Variants in FSTL5 observed in about 807,000 individuals in gnomAD.
The protein encoded by FSTL5 is follistatin like 5, also known as follistatin-related protein 5.
FSTL5 carries 62 observed loss-of-function variants against 89.1 expected under a neutral mutation model. The ratio of observed to expected loss-of-function variants is 0.70; its 90% CI spans 0.57 to 0.86. FSTL5 has a LOEUF of 0.86. Ranked by LOEUF, FSTL5 falls within the 40% of genes least tolerant of loss-of-function variation. The pLI is 0.00. For synonymous variants in FSTL5, 383 were observed against 346.2 expected, an observed-to-expected ratio of 1.11 and a Z score of -1.18; for missense variants, 1,057 against 1,001.6, an observed-to-expected ratio of 1.06 and a Z score of -0.75.
intron 15 of FSTL5, among the ~76,000 whole-genome samples, chr4:161,401,533 T>C (rs1251186475): frequency 6.6e-6 from 1 of 152,256 alleles, no homozygotes; most frequent in East Asian, 1.9e-4. Flanking sequence ...TTATTATTGA[T>C]TTATTTATTT....
At chr4:162,096,739 A>G (rs1730767715) in intron 2 of FSTL5, among the ~76,000 whole-genome samples, 1 of 151,950 alleles carries the variant, frequency 6.6e-6, no homozygotes, top group Admixed American at 6.6e-5. Context: ...GAACAAGTTT[A>G]CTATATGTTA....
rs965817561 is a variant in FSTL5 at position 161,751,397 on chromosome 4, G to A, written c.727+8014C>T. On this transcript the variant is annotated intron_variant, in intron 6 of 15. Transcript: ENST00000306100. Reference sequence around the variant, plus strand: ...TGGAAAATCCTTTCCCTAAGAACCCGTATAGCAACAGCAACACAGACTAGA... The same window carrying A: ...TGGAAAATCCTTTCCCTAAGAACCCATATAGCAACAGCAACACAGACTAGA... 3.3e-5 allele frequency among the ~76,000 whole-genome samples: 5 copies of A among 152,224 alleles called. No homozygotes were observed. The South Asian group carries it at 6.2e-4, about 19-fold the overall frequency.
intron 4 of FSTL5, among the ~76,000 whole-genome samples, chr4:161,861,623 G>C (rs1731919199): frequency 6.6e-6 from 1 of 152,098 alleles, no homozygotes; most frequent in South Asian, 2.1e-4. Flanking sequence ...GAAAAATCCA[G>C]GTAGCATTAT....
intron 8 of FSTL5, among the ~76,000 whole-genome samples, chr4:161,565,402 T>C (rs953434128): frequency 1.9e-4 from 29 of 152,020 alleles, no homozygotes; most frequent in African/African-American, 7.0e-4. Context: ...TATATTGAAA[T>C]AAATACATAT....
At chr4:161,927,721 TGAA>T (rs1734165716) in intron 3 of FSTL5, among the ~76,000 whole-genome samples, 1 of 151,776 alleles carries the variant, frequency 6.6e-6, no homozygotes, top group African/African-American at 2.4e-5. Flanking sequence ...ATTATTTTCA[TGAA>T]GAAGAATTAG....
intron 3 of FSTL5, among the ~76,000 whole-genome samples, chr4:161,982,694 A>C (rs1284331137): frequency 6.6e-6 from 1 of 152,206 alleles, no homozygotes; most frequent in Non-Finnish European, 1.5e-5. Flanking sequence ...TATGGTGTTC[A>C]TGTATATGCA....
At chr4:161,478,598 C>T (rs56246813) in intron 13 of FSTL5, among the ~76,000 whole-genome samples, 2,840 of 142,612 alleles carry the variant, frequency 0.02, 89 homozygotes, top group African/African-American at 0.065. Context: ...TCAAAATCAC[C>T]GATTTTTTTT....
intron 12 of FSTL5, among the ~76,000 whole-genome samples, chr4:161,487,509 T>G (rs947819776): frequency 2.6e-5 from 4 of 152,142 alleles, no homozygotes; most frequent in Admixed American, 6.5e-5. Flanking sequence ...CTATCTACTT[T>G]AACAGTATTT....
At chr4:161,430,600 C>T (rs149470954) in intron 15 of FSTL5, among the ~76,000 whole-genome samples, 2,300 of 152,146 alleles carry the variant, frequency 0.015, 52 homozygotes, top group African/African-American at 0.052. Flanking sequence ...ATTAGCCGGG[C>T]GTGGTAGTGG....
At chr4:161,437,152 T>A (rs1320418239) in intron 15 of FSTL5, among the ~76,000 whole-genome samples, 1 of 152,074 alleles carries the variant, frequency 6.6e-6, no homozygotes, top group Non-Finnish European at 1.5e-5. Context: ...GGAAGAGATA[T>A]TGAAGCATTA....
chr4:161,987,510 T>G (rs1735999294), intron 3 of FSTL5, among the ~76,000 whole-genome samples: 1 of 146,530 alleles, frequency 6.8e-6, no homozygotes, highest in African/African-American at 2.5e-5. Flanking sequence ...AAAATAAATT[T>G]AAAACAAATG....
intron 2 of FSTL5, among the ~76,000 whole-genome samples, chr4:162,103,077 G>A (rs565258835): frequency 9.9e-5 from 15 of 152,036 alleles, no homozygotes; most frequent in African/African-American, 3.1e-4. Flanking sequence ...ATATTGTTTT[G>A]GGGACTCATT....
chr4:161,530,328 T>C (rs1001415869), intron 10 of FSTL5, among the ~76,000 whole-genome samples: 3 of 142,424 alleles, frequency 2.1e-5, no homozygotes, highest in Non-Finnish European at 4.6e-5. Flanking sequence ...ACAATATTGC[T>C]AAATCTTAGT....
intron 6 of FSTL5, among the ~76,000 whole-genome samples, chr4:161,719,769 T>G (rs1739126462): frequency 6.6e-6 from 1 of 152,184 alleles, no homozygotes. Context: ...AGTTTGTTGT[T>G]AGTGTATTGT....
intron 10 of FSTL5, among the ~76,000 whole-genome samples, chr4:161,512,247 C>T (rs1730675951): frequency 6.6e-6 from 1 of 152,084 alleles, no homozygotes; most frequent in Admixed American, 6.5e-5. Context: ...CACCCACTTA[C>T]TTGGTGAGTA....
chr4:161,879,672 G>A (rs1042680347), intron 4 of FSTL5, among the ~76,000 whole-genome samples: 5 of 152,090 alleles, frequency 3.3e-5, no homozygotes, highest in African/African-American at 4.8e-5. Flanking sequence ...TCTGCCTTAT[G>A]TCTTGAACTT....
intron 1 of FSTL5, among the ~76,000 whole-genome samples, chr4:162,147,530 CTA>C (rs1400983120): frequency 1.3e-5 from 2 of 152,086 alleles, no homozygotes; most frequent in African/African-American, 2.4e-5. Flanking sequence ...TACAATCACT[CTA>C]TTGCTATAAG....
At chr4:161,854,712 G>A (rs1166319450) in intron 4 of FSTL5, among the ~76,000 whole-genome samples, 1 of 152,072 alleles carries the variant, frequency 6.6e-6, no homozygotes, top group Admixed American at 6.6e-5. Flanking sequence ...GAGGAGTCAT[G>A]AGAAATGTAC....
chr4:161,579,136 T>C (rs569851395), intron 8 of FSTL5, among the ~76,000 whole-genome samples: 2 of 152,302 alleles, frequency 1.3e-5, no homozygotes, highest in Non-Finnish European at 2.9e-5. Context: ...ATACTGTGTG[T>C]TTTATAACAT....
Sources: allele counts gnomAD v4.1 joint callset (sites outside exome capture counted in the v4.1 genomes callset), GRCh38; gene constraint gnomAD v4.1.1; transcripts MANE v1.5; gene names NCBI Gene and HGNC (gene_info 2026-07-23, HGNC 2026-07-21).